Variants in DPP10 observed in about 807,000 individuals in gnomAD.
The protein encoded by DPP10 is dipeptidyl peptidase like 10.
In DPP10, 33 loss-of-function variants were observed where a neutral mutation model predicts 120.9. That is an observed-to-expected ratio of 0.27 (90% CI 0.21 to 0.37). DPP10 has a LOEUF of 0.37. DPP10 is among the 10% of genes least tolerant of loss of function. The probability of loss-of-function intolerance (pLI) is 1.00; values close to 1 mark genes in which losing one functional copy is unlikely to be tolerated. For missense variants in DPP10, 816 were observed against 942.8 expected, an observed-to-expected ratio of 0.87 and a Z score of 1.76; for synonymous variants, 337 against 326.1, an observed-to-expected ratio of 1.03 and a Z score of -0.36.
chr2:115,747,270 C>T (rs1678100786), intron 10 of DPP10, among the ~76,000 whole-genome samples: 1 of 152,108 alleles, frequency 6.6e-6, no homozygotes, highest in South Asian at 2.1e-4. Flanking sequence ...GGTTACAGAG[C>T]ATTTCATCCA....
At chr2:115,217,348 A>G (rs945613393) in intron 1 of DPP10, among the ~76,000 whole-genome samples, 1 of 152,192 alleles carries the variant, frequency 6.6e-6, no homozygotes, top group South Asian at 2.1e-4. Flanking sequence ...AAACACCTAA[A>G]GAGTGCTCGC....
rs1682211663 is a variant in DPP10 at position 115,777,231 on chromosome 2, G to A, written c.1245G>A (p.Val415=). The A allele has an allele frequency of 6.2e-7, 1 of 1,612,792 alleles. No individual in the cohort carries two copies. The highest frequency in any genetic ancestry group is 8.5e-7 in the Non-Finnish European group (1 of 1,179,288). ...LIQSKSEQIT[V]RHLTSGNWEV... ...AGAGTAAAAGTGAGCAAATTACCGT[G>A]CGGCATCTGACATCAGGAAACTGGG... The change falls in exon 14 of 26, where the codon GTG becomes GTA. Residue 415 remains valine, a synonymous_variant. Coordinates refer to ENST00000410059, the MANE Select transcript of DPP10 (RefSeq NM_020868.6).
chr2:114,676,743 CTA>C (rs1482909536), intron 1 of DPP10, among the ~76,000 whole-genome samples: 1 of 152,032 alleles, frequency 6.6e-6, no homozygotes, highest in Non-Finnish European at 1.5e-5. Flanking sequence ...GCAGCCTACA[CTA>C]TATAAATATA....
chr2:115,637,676 G>A (rs540135952), intron 5 of DPP10, among the ~76,000 whole-genome samples: 1 of 152,220 alleles, frequency 6.6e-6, no homozygotes, highest in East Asian at 1.9e-4. Context: ...TTATGAGTGA[G>A]CCCCGAAATA....
At chr2:115,263,459 A>G (rs1050034928) in intron 1 of DPP10, among the ~76,000 whole-genome samples, 3 of 152,320 alleles carry the variant, frequency 2.0e-5, no homozygotes, top group Admixed American at 2.0e-4. Flanking sequence ...ATATTTAGCC[A>G]TGATATCTAT....
At chr2:115,601,483 G>A (rs1048878074) in intron 5 of DPP10, among the ~76,000 whole-genome samples, 5 of 152,048 alleles carry the variant, frequency 3.3e-5, no homozygotes, top group Admixed American at 1.3e-4. Flanking sequence ...ATTCTGTAAC[G>A]TAGATAAATA....
At chr2:115,394,438 A>G (rs1165798124) in intron 3 of DPP10, among the ~76,000 whole-genome samples, 1 of 150,300 alleles carries the variant, frequency 6.7e-6, no homozygotes, top group African/African-American at 2.4e-5. Context: ...ATCACATTCT[A>G]TTATAGGCTG....
intron 3 of DPP10, among the ~76,000 whole-genome samples, chr2:115,357,941 G>A (rs1444549647): frequency 2.0e-5 from 3 of 152,214 alleles, no homozygotes; most frequent in South Asian, 4.1e-4. Flanking sequence ...GTTTGAAGAG[G>A]CTGGGACACA....
At chr2:115,122,251 A>G (rs2049862420) in intron 1 of DPP10, among the ~76,000 whole-genome samples, 1 of 152,124 alleles carries the variant, frequency 6.6e-6, no homozygotes, top group African/African-American at 2.4e-5. Flanking sequence ...AGAGAAGAGA[A>G]GAGGAGGGCA....
intron 19 of DPP10, among the ~76,000 whole-genome samples, chr2:115,793,264 A>G (rs542021135): frequency 6.6e-6 from 1 of 152,224 alleles, no homozygotes; most frequent in South Asian, 2.1e-4. Flanking sequence ...ATTTAACAAT[A>G]CACTGCTGAA....
At chr2:115,086,454 T>A (rs1361870685) in intron 1 of DPP10, among the ~76,000 whole-genome samples, 1 of 7,772 alleles carries the variant, frequency 1.3e-4, no homozygotes, top group Admixed American at 1.2e-3. Context: ...ATGTATTTCT[T>A]TTTTTTTTTT....
intron 1 of DPP10, among the ~76,000 whole-genome samples, chr2:114,813,583 A>G (rs1291010663): frequency 6.6e-6 from 1 of 152,138 alleles, no homozygotes; most frequent in Non-Finnish European, 1.5e-5. Context: ...CTTTGTTTCA[A>G]AATCTTACTA....
At chr2:114,998,985 T>C (rs1368535698) in intron 1 of DPP10, among the ~76,000 whole-genome samples, 1 of 152,168 alleles carries the variant, frequency 6.6e-6, no homozygotes, top group Non-Finnish European at 1.5e-5. Context: ...AATCTCTCCA[T>C]CTCAATATCA....
intron 5 of DPP10, among the ~76,000 whole-genome samples, chr2:115,591,322 T>C (rs2082647549): frequency 6.6e-6 from 1 of 152,200 alleles, no homozygotes; most frequent in Admixed American, 6.5e-5. Flanking sequence ...CCATCTTGAA[T>C]TAATTTTTGT....
chr2:115,077,718 C>A (rs61102091), intron 1 of DPP10, among the ~76,000 whole-genome samples: 28,227 of 152,164 alleles, frequency 0.19, 2,995 homozygotes, highest in East Asian at 0.36. Flanking sequence ...TGCCAAAACA[C>A]GTGGGCCTGT....
intron 5 of DPP10, among the ~76,000 whole-genome samples, chr2:115,606,615 G>A (rs972928405): frequency 6.6e-6 from 1 of 152,082 alleles, no homozygotes; most frequent in Non-Finnish European, 1.5e-5. Flanking sequence ...GTGAACCTAG[G>A]AATTCTGAAG....
chr2:114,743,868 T>C (rs1438344943), intron 1 of DPP10, among the ~76,000 whole-genome samples: 1 of 152,152 alleles, frequency 6.6e-6, no homozygotes, highest in Non-Finnish European at 1.5e-5. Flanking sequence ...GTCTTGGTGG[T>C]GGATGTGATC....
At chr2:114,857,120 G>A (rs562171149) in intron 1 of DPP10, among the ~76,000 whole-genome samples, 4 of 152,160 alleles carry the variant, frequency 2.6e-5, no homozygotes, top group African/African-American at 9.7e-5. Context: ...GTTTACCTGA[G>A]TCCAAATCCT....
intron 1 of DPP10, among the ~76,000 whole-genome samples, chr2:115,182,058 TAGAA>T (rs2054116804): frequency 6.6e-6 from 1 of 152,144 alleles, no homozygotes; most frequent in Non-Finnish European, 1.5e-5. Flanking sequence ...CACTGTAAAA[TAGAA>T]ATAAATATAA....
Sources: gnomAD v4.1 joint callset for allele counts (sites outside exome capture counted in the v4.1 genomes callset) on GRCh38, gnomAD v4.1.1 for gene constraint, MANE v1.5 for transcripts, NCBI Gene and HGNC (gene_info 2026-07-23, HGNC 2026-07-21) for gene names.